The following CFAP36 variants were observed in gnomAD, a reference collection of about 807,000 sequenced individuals.
CFAP36 encodes cilia- and flagella-associated protein 36.
CFAP36 carries 37 observed loss-of-function variants against 50.5 expected under a neutral mutation model. The observed-to-expected ratio is 0.73, with a 90% CI of 0.56 to 0.96. CFAP36 has a LOEUF of 0.96. CFAP36 is among the 50% of genes least tolerant of loss of function. The pLI is 0.00. For synonymous variants in CFAP36, 138 were observed against 128.2 expected (o/e 1.08, Z -0.52); for missense variants, 407 against 396.2 (o/e 1.03, Z -0.23).
rs754915018 is a variant in CFAP36, at chr2:55,543,916, C to T, written c.641-22C>T. On this transcript the variant is annotated intron_variant, in intron 7 of 9. Coordinates refer to ENST00000349456, the MANE Select transcript of CFAP36 (RefSeq NM_080667.7). The stretch of plus-strand genomic sequence containing the variant: ...TATTTCTCATAATATTCTAATTGCT[C>T]TTATTGTCTACTTATTGCCAGAAGT... 17 of 1,596,522 alleles carry T rather than the reference C, an allele frequency of 1.1e-5. 1 individual carries two copies. In the South Asian group the frequency reaches 1.9e-4, roughly 18 times the overall value.
chr2:55,522,415 C>T (rs1349032595), intron 2 of CFAP36, among the ~76,000 whole-genome samples: 1 of 152,124 alleles, frequency 6.6e-6, no homozygotes, highest in Non-Finnish European at 1.5e-5. Flanking sequence ...TTCTTTATAT[C>T]TTATTCTTAT....
At chr2:55,531,712 A>G (rs1171057133) in intron 4 of CFAP36, among the ~76,000 whole-genome samples, 2 of 152,200 alleles carry the variant, frequency 1.3e-5, no homozygotes, top group Non-Finnish European at 2.9e-5. Context: ...ATTTCATGGA[A>G]ACCCTCCAGT....
chr2:55,519,838 G>A lies in CFAP36; in HGVS notation c.37G>A (p.Val13Met), dbSNP rs762063763. Residue 13 changes from valine (V) to methionine (M), a missense_variant, in exon 1 of 10, where the codon GTG becomes ATG. Physicochemically the swap from Val to Met is conservative, Grantham distance 21. Transcript: ENST00000349456. ...AGAAGAAGACGAGGTGGAGTGGGTAGTGGAGAGCATCGCGGGGTTCCTGCG... is the reference window on the plus strand; with the variant it reads ...AGAAGAAGACGAGGTGGAGTGGGTAATGGAGAGCATCGCGGGGTTCCTGCG... ...AEEEDEVEWV[V>M]ESIAGFLRGP... The A allele has an allele frequency of 6.2e-7, 1 of 1,614,282 alleles. No individual in the cohort carries two copies. Among genetic ancestry groups the A allele is most frequent in the East Asian group, 2.2e-5 (1 of 44,882 alleles).
chr2:55,525,225 G>T (rs1025476191), intron 3 of CFAP36, among the ~76,000 whole-genome samples: 1 of 152,134 alleles, frequency 6.6e-6, no homozygotes, highest in Non-Finnish European at 1.5e-5. Context: ...ACCAAGACAG[G>T]AGGATTGCTT....
intron 7 of CFAP36, among the ~76,000 whole-genome samples, chr2:55,540,246 AT>A (rs1684599097): frequency 6.6e-6 from 1 of 152,036 alleles, no homozygotes; most frequent in Admixed American, 6.5e-5. Flanking sequence ...ATCTTCTAGG[AT>A]TTTTATAGTT....
In CFAP36 at chr2:55,535,754, GA is replaced by G; in HGVS notation, c.534del (p.Lys178AsnfsTer20). The G allele has an allele frequency of 1.3e-6, 2 of 1,551,654 alleles. No homozygotes were observed. Among genetic ancestry groups the G allele is most frequent in the South Asian group, 1.3e-5 (1 of 78,388 alleles). On this transcript the variant is annotated frameshift_variant, in exon 6 of 10. Coordinates refer to ENST00000349456, the MANE Select transcript of CFAP36 (RefSeq NM_080667.7). LOFTEE classifies it high-confidence loss of function. ...EYDQEEERKRKKQLSEAKTEE... is the reference protein window; with the variant it reads ...EYDQEEERKRXKQLSEAKTEE... ...ATGACCAGGAAGAAGAAAGGAAGAGGAAAAAACAGGTGCCTACAGAACATAT... is the reference window on the plus strand; with the variant it reads ...ATGACCAGGAAGAAGAAAGGAAGAGGAAAAACAGGTGCCTACAGAACATAT...
intron 4 of CFAP36, among the ~76,000 whole-genome samples, chr2:55,531,514 G>C (rs977611511): frequency 3.9e-5 from 6 of 152,132 alleles, no homozygotes; most frequent in Admixed American, 6.5e-5. Flanking sequence ...AGACAGGTTC[G>C]GGATTGGTTA....
chr2:55,530,306 T>C (rs1011468539), intron 4 of CFAP36, among the ~76,000 whole-genome samples: 1 of 152,248 alleles, frequency 6.6e-6, no homozygotes, highest in Non-Finnish European at 1.5e-5. Flanking sequence ...CCCAGCCATG[T>C]GGAAATGTAA....
At chr2:55,539,691 G>C (rs147079065) in intron 7 of CFAP36, 2 of 152,352 alleles carry the variant, frequency 1.3e-5, no homozygotes, top group Non-Finnish European at 2.9e-5. Flanking sequence ...TTGTAAGAAA[G>C]TGCCAAACTG....
At chr2:55,523,509 T>G (rs1684126331) in intron 2 of CFAP36, among the ~76,000 whole-genome samples, 1 of 152,178 alleles carries the variant, frequency 6.6e-6, no homozygotes, top group South Asian at 2.1e-4. Flanking sequence ...TTCAACTATT[T>G]CTATTAGAAG....
Position 55,544,026 on chromosome 2 carries a change from C to A in CFAP36, c.729C>A (p.Asp243Glu). ...RSETSSLPQK[D>E]LKIPGLEHAS... The stretch of plus-strand genomic sequence containing the variant: ...AAACTTCCTCCCTCCCACAAAAAGA[C>A]CTGAAGATTCCTGGCTTAGAGCATG... Residue 243 changes from aspartate to glutamate, a missense_variant, in exon 8 of 10, where the codon GAC becomes GAA. Transcript: ENST00000349456. The A allele has an allele frequency of 6.2e-7, 1 of 1,613,852 alleles. No individual in the cohort carries two copies. The highest frequency in any genetic ancestry group is 8.5e-7 in the Non-Finnish European group (1 of 1,179,892).
At chr2:55,538,241 A>G (rs1015639354) in intron 7 of CFAP36, among the ~76,000 whole-genome samples, 2 of 151,934 alleles carry the variant, frequency 1.3e-5, no homozygotes, top group Non-Finnish European at 2.9e-5. Context: ...CCTTTTCTCA[A>G]TTAAAAAAAT....
chr2:55,520,436 A>G (rs888968804), intron 1 of CFAP36: 18 of 1,548,824 alleles, frequency 1.2e-5, no homozygotes, highest in Non-Finnish European at 1.6e-5. Flanking sequence ...TGATAACTCC[A>G]GGAAGCCCAG....
At position 55,537,575 on chromosome 2, in the gene CFAP36, C is replaced by G. The variant is rs762063691; in HGVS notation, c.630C>G (p.His210Gln). 6 of 1,609,556 alleles carry G rather than the reference C, an allele frequency of 3.7e-6. No individual in the cohort carries two copies. Among genetic ancestry groups the G allele is most frequent in the Non-Finnish European group, 5.1e-6 (6 of 1,176,852 alleles). ...AAGGGGATGGTGAACATTTTGCACA[C>G]CCACCCTCAGGTAAGGTTGAGGTGT... ...NSQGDGEHFA[H>Q]PPSEVKMHFA... The change falls in exon 7 of 10, where the codon CAC (histidine) becomes CAG (glutamine). Residue 210 changes from histidine to glutamine, a missense_variant. Transcript: ENST00000349456.
Position 55,533,890 on chromosome 2 carries a change from T to G in CFAP36, c.415T>G (p.Leu139Val). The change falls in exon 5 of 10, where the codon TTA (leucine) becomes GTA (valine). Residue 139 changes from leucine to valine, a missense_variant. Physicochemically the swap from Leu to Val is conservative, Grantham distance 32. Transcript: ENST00000349456. ...TTGAACAGGTGTATTACCTGACTGC[T>G]TAACCGATGGCTCTGATGTGGTCAG... ...QERNGVLPDC[L>V]TDGSDVVSDL... 2 of 1,610,682 alleles carry G rather than the reference T, an allele frequency of 1.2e-6. No individual in the cohort carries two copies. Among genetic ancestry groups the G allele is most frequent in the Non-Finnish European group, 1.7e-6 (2 of 1,178,150 alleles).
chr2:55,528,285 T>A (rs1684262045), intron 3 of CFAP36, among the ~76,000 whole-genome samples: 1 of 152,030 alleles, frequency 6.6e-6, no homozygotes, highest in Non-Finnish European at 1.5e-5. Context: ...ATCATCTTTC[T>A]TGTTCTGAGG....
chr2:55,544,761 G>T (rs921543662), intron 9 of CFAP36, 146 bp from the exon 10 acceptor site: 5 of 616,388 alleles, frequency 8.1e-6, no homozygotes, highest in Non-Finnish European at 1.4e-5. Context: ...ACGAAGAAGA[G>T]ATTTAGGAAA....
At chr2:55,522,920 C>T (rs1019253725) in intron 2 of CFAP36, among the ~76,000 whole-genome samples, 2 of 151,938 alleles carry the variant, frequency 1.3e-5, no homozygotes, top group Admixed American at 1.3e-4. Flanking sequence ...CATGGTGAAA[C>T]TCCATCTTTA....
chr2:55,544,075 G>A lies in CFAP36; in HGVS notation c.777+1G>A. ...TGCGAGCATTGAAGGACCAATAGCA[G>A]TAAGTAAACGACATCACTTAAGAAC... On this transcript the variant is annotated splice_donor_variant, in intron 8 of 9. Coordinates refer to ENST00000349456, the MANE Select transcript of CFAP36 (RefSeq NM_080667.7). LOFTEE classifies it high-confidence loss of function. 1.9e-6 allele frequency: 3 copies of A among 1,613,364 alleles called. No homozygotes were observed. The highest frequency in any genetic ancestry group is 2.5e-6 in the Non-Finnish European group (3 of 1,179,806).
Sources: allele counts gnomAD v4.1 joint callset (sites outside exome capture counted in the v4.1 genomes callset), GRCh38; gene constraint gnomAD v4.1.1; transcripts MANE v1.5; gene names NCBI Gene and HGNC (gene_info 2026-07-23, HGNC 2026-07-21).